Variants in CPEB3 observed in about 807,000 individuals in gnomAD.
The protein encoded by CPEB3 is cytoplasmic polyadenylation element-binding protein 3.
In CPEB3, 20 loss-of-function variants were observed where a neutral mutation model predicts 67.2. That is an observed-to-expected ratio of 0.30 (90% CI 0.21 to 0.43). The LOEUF (loss-of-function observed/expected upper bound fraction) is 0.43, where lower values mean the gene tolerates loss of function less well. CPEB3 is among the 20% of genes least tolerant of loss of function. CPEB3 has a pLI of 1.00. For synonymous variants in CPEB3, 376 were observed against 393.1 expected (o/e 0.96, Z 0.51); for missense variants, 746 against 968.6 (o/e 0.77, Z 3.05).
intron 4 of CPEB3, among the ~76,000 whole-genome samples, chr10:92,178,307 C>T (rs533116384): frequency 2.0e-5 from 3 of 151,916 alleles, no homozygotes; most frequent in Non-Finnish European, 4.4e-5. Context: ...CACAGGCATG[C>T]GCCACCACAC....
chr10:92,196,999 T>C (rs191540504), intron 2 of CPEB3, among the ~76,000 whole-genome samples: 25 of 151,744 alleles, frequency 1.6e-4, no homozygotes, highest in Admixed American at 1.4e-3. Context: ...ACAGAACATA[T>C]AGGCATCTGT....
intron 1 of CPEB3, among the ~76,000 whole-genome samples, chr10:92,253,958 G>T (rs1386809324): frequency 6.6e-6 from 1 of 152,130 alleles, no homozygotes; most frequent in Non-Finnish European, 1.5e-5. Context: ...GCCAGGCATG[G>T]TAGCTCATGC....
At chr10:92,276,923 A>G (rs1842015857) in intron 1 of CPEB3, among the ~76,000 whole-genome samples, 1 of 152,094 alleles carries the variant, frequency 6.6e-6, no homozygotes, top group Non-Finnish European at 1.5e-5. Context: ...TTTGATTTAC[A>G]TTTCTCTGAT....
At chr10:92,275,049 T>C (rs1841917501) in intron 1 of CPEB3, among the ~76,000 whole-genome samples, 2 of 152,214 alleles carry the variant, frequency 1.3e-5, no homozygotes, top group Non-Finnish European at 2.9e-5. Flanking sequence ...GGACAGCCAC[T>C]ACTTGACTGT....
intron 2 of CPEB3, among the ~76,000 whole-genome samples, chr10:92,237,653 C>G (rs1304790742): frequency 6.6e-6 from 1 of 152,092 alleles, no homozygotes; most frequent in Admixed American, 6.6e-5. Context: ...TTTAGGTTAT[C>G]CTCTAAGACT....
chr10:92,230,400 A>C (rs965814028), intron 2 of CPEB3, among the ~76,000 whole-genome samples: 11 of 152,226 alleles, frequency 7.2e-5, no homozygotes, highest in Admixed American at 5.2e-4. Context: ...GATCACTTCA[A>C]ATAATATAAA....
chr10:92,291,197 C>T, upstream of CPEB3: 3 of 508,518 alleles, frequency 5.9e-6, no homozygotes, highest in South Asian at 2.4e-5. Context: ...CCGCCGGCAG[C>T]AACTCGGCGC....
chr10:92,216,924 C>T (rs1850435594), intron 2 of CPEB3: 3 of 721,144 alleles, frequency 4.2e-6, no homozygotes, highest in South Asian at 1.7e-5. Flanking sequence ...TCTTACCAGG[C>T]AGCTCTAACA....
chr10:92,281,569 A>G (rs1288307581), intron 1 of CPEB3, among the ~76,000 whole-genome samples: 2 of 152,182 alleles, frequency 1.3e-5, no homozygotes, highest in Non-Finnish European at 2.9e-5. Flanking sequence ...TCAGGTAAAA[A>G]TAGTGTGCCA....
chr10:92,264,337 A>G (rs898924686), intron 1 of CPEB3, among the ~76,000 whole-genome samples: 9 of 151,216 alleles, frequency 6.0e-5, no homozygotes, highest in African/African-American at 2.2e-4. Flanking sequence ...CAAAAAAAAA[A>G]AAAAGAAAAG....
At position 92,152,695 on chromosome 10, in the gene CPEB3, A is replaced by G. The variant is rs143694467; in HGVS notation, c.1223-7610T>C. Among the ~76,000 whole-genome samples the G allele has an allele frequency of 1.8e-3, 275 of 152,330 alleles. 1 individual carries two copies. Among genetic ancestry groups the G allele is most frequent in the African/African-American group, 6.4e-3 (267 of 41,576 alleles). On this transcript the variant is annotated intron_variant, in intron 4 of 9. Coordinates refer to ENST00000265997, the MANE Select transcript of CPEB3 (RefSeq NM_014912.5). ...ATATATTTAAAAATTCCTTAATACCAAAAAGTTTTAGATAGCTATCTCTCC... is the reference window on the plus strand; with the variant it reads ...ATATATTTAAAAATTCCTTAATACCGAAAAGTTTTAGATAGCTATCTCTCC...
chr10:92,205,175 C>T (rs557191807), intron 2 of CPEB3, among the ~76,000 whole-genome samples: 29 of 152,272 alleles, frequency 1.9e-4, no homozygotes, highest in Middle Eastern at 6.8e-3. Flanking sequence ...CAGGCTTACG[C>T]CCAAACTGCT....
chr10:92,143,542 C>A (rs549199339), intron 5 of CPEB3, among the ~76,000 whole-genome samples: 92 of 152,112 alleles, frequency 6.0e-4, no homozygotes, highest in Non-Finnish European at 1.0e-3. Flanking sequence ...GAAATAGATA[C>A]GATTCTTTTG....
intron 8 of CPEB3, among the ~76,000 whole-genome samples, chr10:92,089,660 G>A (rs992510077): frequency 1.3e-5 from 2 of 152,052 alleles, no homozygotes; most frequent in Non-Finnish European, 2.9e-5. Flanking sequence ...GTGTGCGCCT[G>A]TAGTCCCAAC....
intron 9 of CPEB3, among the ~76,000 whole-genome samples, chr10:92,080,083 T>C (rs895113404): frequency 2.0e-5 from 3 of 151,526 alleles, no homozygotes; most frequent in Non-Finnish European, 4.4e-5. Context: ...GGCGGGCGTC[T>C]GTAGTCCCAG....
chr10:92,287,951 GA>G (rs1414853448), intron 1 of CPEB3, among the ~76,000 whole-genome samples: 2 of 152,094 alleles, frequency 1.3e-5, no homozygotes, highest in African/African-American at 4.8e-5. Flanking sequence ...GCCTATTCTT[GA>G]CTTTTCATGC....
intron 8 of CPEB3, among the ~76,000 whole-genome samples, chr10:92,090,870 AG>A (rs199814200): frequency 0.013 from 2,033 of 152,330 alleles, 47 homozygotes; most frequent in African/African-American, 0.047. Context: ...TTCATTTGAC[AG>A]TTTTCCATTC....
chr10:92,249,171 G>T (rs937124271), intron 1 of CPEB3, among the ~76,000 whole-genome samples: 1 of 152,068 alleles, frequency 6.6e-6, no homozygotes, highest in South Asian at 2.1e-4. Flanking sequence ...GAGGTCAGGA[G>T]ATTGAGACCA....
chr10:92,127,437 A>C (rs1001704909), intron 6 of CPEB3, among the ~76,000 whole-genome samples: 1 of 152,148 alleles, frequency 6.6e-6, no homozygotes, highest in Non-Finnish European at 1.5e-5. Context: ...GCACTTTGGG[A>C]GACCGAGGCA....
Sources: allele counts gnomAD v4.1 joint callset (sites outside exome capture counted in the v4.1 genomes callset), GRCh38; gene constraint gnomAD v4.1.1; transcripts MANE v1.5; gene names NCBI Gene and HGNC (gene_info 2026-07-23, HGNC 2026-07-21).